Variants in SLC30A7 observed in about 807,000 individuals in gnomAD.
SLC30A7 encodes solute carrier family 30 member 7.
SLC30A7 carries 35 observed loss-of-function variants against 46.0 expected under a neutral mutation model. The ratio of observed to expected loss-of-function variants is 0.76; its 90% CI spans 0.58 to 1.01. The LOEUF (loss-of-function observed/expected upper bound fraction) is 1.01, where lower values mean the gene tolerates loss of function less well. SLC30A7 is among the 50% of genes least tolerant of loss of function. The pLI is 0.00. For missense variants in SLC30A7, 464 were observed against 451.1 expected (o/e 1.03, Z -0.26); for synonymous variants, 147 against 157.8 (o/e 0.93, Z 0.51).
chr1:100,923,582 A>G (rs1645290012), intron 8 of SLC30A7, among the ~76,000 whole-genome samples: 1 of 152,150 alleles, frequency 6.6e-6, no homozygotes, highest in African/African-American at 2.4e-5. Context: ...GTATAAGACC[A>G]GCCTGGGCAA....
chr1:100,967,859 G>A (rs969553750), intron 10 of SLC30A7, among the ~76,000 whole-genome samples: 8 of 152,072 alleles, frequency 5.3e-5, no homozygotes, highest in African/African-American at 1.4e-4. Flanking sequence ...GGAAAGTATT[G>A]GATAATCAAA....
rs944738452 is a variant in SLC30A7, at chr1:100,980,061, A to T, written c.*5204A>T. On this transcript the variant is annotated 3_prime_UTR_variant, in exon 11 of 11. Transcript: ENST00000357650. Reference sequence around the variant, plus strand: ...ATCTTAAACTGTGCAGGCTAAAAAGAGGAACCAGAACTCCCTTAAGCACTT... The same window carrying T: ...ATCTTAAACTGTGCAGGCTAAAAAGTGGAACCAGAACTCCCTTAAGCACTT... 3.9e-5 allele frequency: 6 copies of T among 152,128 alleles called. No individual in the cohort carries two copies. The highest frequency in any genetic ancestry group is 1.4e-4 in the African/African-American group (6 of 41,450). The allele number at this position is 152,128 out of a possible 1,614,324, so 9.4% of individuals were successfully genotyped here. A position where few individuals can be genotyped will look rare whatever the true frequency, so the allele number is the denominator to read the frequency against.
At chr1:100,904,435 A>G (rs1651510266) in intron 2 of SLC30A7, among the ~76,000 whole-genome samples, 1 of 151,868 alleles carries the variant, frequency 6.6e-6, no homozygotes, top group African/African-American at 2.4e-5. Context: ...CACTTTTTCC[A>G]TAGATCCTTT....
chr1:100,928,386 G>C (rs1290734314), intron 8 of SLC30A7, among the ~76,000 whole-genome samples: 2 of 152,164 alleles, frequency 1.3e-5, no homozygotes, highest in East Asian at 3.8e-4. Context: ...TTTTCAGGTA[G>C]AGCATGAACA....
intron 3 of SLC30A7, 88 bp downstream of exon 3, chr1:100,907,053 A>G (rs1651722362): frequency 1.2e-6 from 1 of 816,624 alleles, no homozygotes; most frequent in Non-Finnish European, 1.9e-6. Flanking sequence ...CTTGTTACCA[A>G]TTGAACACAG....
At chr1:100,925,661 C>G (rs1006942431) in intron 8 of SLC30A7, among the ~76,000 whole-genome samples, 1 of 152,092 alleles carries the variant, frequency 6.6e-6, no homozygotes, top group Non-Finnish European at 1.5e-5. Context: ...ATCTGGGCAA[C>G]TGAGTGAATG....
At chr1:100,988,104 G>GT in the SLC30A7 span, among the ~76,000 whole-genome samples, 6,884 of 152,272 alleles carry the variant, frequency 0.045, 291 homozygotes, top group Admixed American at 0.14. Flanking sequence ...CGGTTTGAGA[G>GT]TTAGCTAAGG....
intron 8 of SLC30A7, among the ~76,000 whole-genome samples, chr1:100,961,136 T>C (rs1376005000): frequency 6.6e-6 from 1 of 150,662 alleles, no homozygotes; most frequent in East Asian, 1.9e-4. Context: ...TTTTTTTTTG[T>C]ATTTTTAGTG....
chr1:100,912,888 A>C, intron 5 of SLC30A7, among the ~76,000 whole-genome samples: 1 of 147,256 alleles, frequency 6.8e-6, no homozygotes, highest in Admixed American at 6.8e-5. Context: ...AAAAAAAAAA[A>C]AAGTGTGTGT....
At chr1:100,991,725 G>A in the SLC30A7 span, among the ~76,000 whole-genome samples, 2 of 146,196 alleles carry the variant, frequency 1.4e-5, no homozygotes, top group African/African-American at 5.2e-5. Flanking sequence ...GGAGGCAGAG[G>A]TTGCAGTGAG....
chr1:100,971,386 C>T (rs1473390928), intron 10 of SLC30A7, among the ~76,000 whole-genome samples: 3 of 152,044 alleles, frequency 2.0e-5, no homozygotes, highest in East Asian at 1.9e-4. Flanking sequence ...TGCAGTTTTT[C>T]CTTATCCATC....
intron 2 of SLC30A7, among the ~76,000 whole-genome samples, chr1:100,897,420 C>T (rs1397830049): frequency 2.0e-5 from 3 of 152,032 alleles, no homozygotes; most frequent in Admixed American, 2.0e-4. Flanking sequence ...CTGTCACACT[C>T]CTAGGTGTAC....
chr1:100,932,915 TC>T (rs1653742624), intron 8 of SLC30A7, among the ~76,000 whole-genome samples: 4 of 151,980 alleles, frequency 2.6e-5, no homozygotes, highest in African/African-American at 7.2e-5. Context: ...TGCCCCAACC[TC>T]CCTTCCAGCC....
intron 8 of SLC30A7, among the ~76,000 whole-genome samples, chr1:100,928,903 G>C (rs1311436484): frequency 6.6e-6 from 1 of 152,116 alleles, no homozygotes; most frequent in Non-Finnish European, 1.5e-5. Flanking sequence ...CAGATGAAAG[G>C]TAATAGTATA....
At chr1:100,898,302 T>C (rs1651100418) in intron 2 of SLC30A7, among the ~76,000 whole-genome samples, 1 of 152,192 alleles carries the variant, frequency 6.6e-6, no homozygotes, top group South Asian at 2.1e-4. Context: ...GAAAGTTAAG[T>C]ATATAGTAAC....
At position 100,896,660 on chromosome 1, in the gene SLC30A7, C is replaced by G; in HGVS notation, c.171C>G (p.Ile57Met). The G allele has an allele frequency of 6.2e-7, 1 of 1,613,910 alleles. No individual in the cohort carries two copies. The highest frequency in any genetic ancestry group is 1.1e-5 in the South Asian group (1 of 91,006). The change falls in exon 2 of 11, where the codon ATC becomes ATG. Residue 57 changes from isoleucine to methionine, a missense_variant. Ile to Met is a conservative substitution (Grantham distance 10, BLOSUM62 1). Transcript: ENST00000357650. ...CTTTTGTGGAACTACTCTACGGCAT[C>G]TGGAGCAACTGGTAACCAAAGGGGA... ...SFAFVELLYG[I>M]WSNCLGLISD... is the part of the protein sequence containing the mutation.
At chr1:100,990,598 G>A in the SLC30A7 span, 3 of 1,613,858 alleles carry the variant, frequency 1.9e-6, no homozygotes, top group Non-Finnish European at 2.5e-6. Flanking sequence ...TCCAACCCTG[G>A]CTAAGCCAAC....
downstream of SLC30A7, among the ~76,000 whole-genome samples, chr1:100,984,064 T>C (rs768413133): frequency 3.9e-5 from 6 of 152,238 alleles, no homozygotes; most frequent in Middle Eastern, 3.2e-3. Flanking sequence ...TGTAGTTACA[T>C]TAGTTGGAGG....
rs924559496 is a variant in SLC30A7 at position 100,949,362 on chromosome 1, GC to G, written c.843-12464del. ...AGGCTGCAGAACAGCAAATATTGCT[GC>G]CTGATCCTTCCTCTGGAAGCTTCAT... On this transcript the variant is annotated intron_variant, in intron 8 of 10. Transcript: ENST00000357650. 5.8e-4 allele frequency among the ~76,000 whole-genome samples: 88 copies of G among 152,242 alleles called. 1 individual carries two copies. Among genetic ancestry groups the G allele is most frequent in the African/African-American group, 1.9e-3 (79 of 41,554 alleles).
Sources: allele counts gnomAD v4.1 joint callset (sites outside exome capture counted in the v4.1 genomes callset), GRCh38; gene constraint gnomAD v4.1.1; transcripts MANE v1.5; gene names NCBI Gene and HGNC (gene_info 2026-07-23, HGNC 2026-07-21).